Variants in CRBN observed in about 807,000 individuals in gnomAD.
The protein encoded by CRBN is protein cereblon.
CRBN carries 53 observed loss-of-function variants against 62.2 expected under a neutral mutation model. That is an observed-to-expected ratio of 0.85 (90% CI 0.68 to 1.07). The LOEUF (loss-of-function observed/expected upper bound fraction) is 1.07, where lower values mean the gene tolerates loss of function less well. Among genes scored for constraint, CRBN ranks in the 50% least tolerant of loss-of-function variants. The probability of loss-of-function intolerance (pLI) is 0.00; values close to 1 mark genes in which losing one functional copy is unlikely to be tolerated. For synonymous variants in CRBN, 208 were observed against 176.1 expected (o/e 1.18, Z -1.43); for missense variants, 616 against 531.1 (o/e 1.16, Z -1.57).
chr3:3,168,054 T>G (rs1288284747), intron 4 of CRBN, among the ~76,000 whole-genome samples: 1 of 152,114 alleles, frequency 6.6e-6, no homozygotes, highest in Non-Finnish European at 1.5e-5. Flanking sequence ...GATCTACACA[T>G]TTCAGATAAA....
chr3:3,178,734 T>G (rs60711972), intron 1 of CRBN, among the ~76,000 whole-genome samples: 24,390 of 152,160 alleles, frequency 0.16, 2,040 homozygotes, highest in Admixed American at 0.19. Flanking sequence ...AATTATCAGA[T>G]TGTGTATTAC....
chr3:3,166,954 A>G (rs1413871008), intron 5 of CRBN, among the ~76,000 whole-genome samples: 4 of 151,990 alleles, frequency 2.6e-5, no homozygotes, highest in Non-Finnish European at 5.9e-5. Flanking sequence ...AAACTCAAAA[A>G]GCCCAATTAT....
chr3:3,173,934 A>G (rs1707726956), intron 3 of CRBN, 125 bp downstream of exon 3: 2 of 827,784 alleles, frequency 2.4e-6, no homozygotes, highest in Non-Finnish European at 4.1e-6. Flanking sequence ...CCAAATTCCT[A>G]ACCTCACATT....
intron 7 of CRBN, chr3:3,154,391 CTA>C (rs1472694156): frequency 5.0e-4 from 220 of 442,568 alleles, no homozygotes; most frequent in Middle Eastern, 1.3e-3. Context: ...AAGAGAGTAT[CTA>C]TAATTAAGGC....
intron 5 of CRBN, 115 bp downstream of exon 5, chr3:3,167,519 T>C: frequency 2.0e-6 from 2 of 982,392 alleles, no homozygotes; most frequent in Non-Finnish European, 3.1e-6. Flanking sequence ...AGCTGGAATA[T>C]TGCCATACAA....
intron 4 of CRBN, 25 bp from the exon 5 acceptor site, chr3:3,167,818 G>T (rs372104781): frequency 1.2e-6 from 2 of 1,610,128 alleles, no homozygotes. Flanking sequence ...ACCAAGCATG[G>T]TATTCATTTC....
At chr3:3,161,826 A>C (rs1707151977) in intron 5 of CRBN, among the ~76,000 whole-genome samples, 1 of 152,254 alleles carries the variant, frequency 6.6e-6, no homozygotes, top group African/African-American at 2.4e-5. Context: ...ATCTATCATC[A>C]GTATGGGACT....
At chr3:3,169,985 CT>C (rs545155412) in intron 4 of CRBN, among the ~76,000 whole-genome samples, 87 of 149,218 alleles carry the variant, frequency 5.8e-4, no homozygotes, top group Non-Finnish European at 8.6e-4. Flanking sequence ...GGGTTGTATA[CT>C]TTTTTTCTTT....
At chr3:3,168,913 T>C (rs1443365561) in intron 4 of CRBN, among the ~76,000 whole-genome samples, 5 of 152,212 alleles carry the variant, frequency 3.3e-5, no homozygotes, top group African/African-American at 1.2e-4. Context: ...TCAAGTGTTC[T>C]TATATTATTA....
intron 5 of CRBN, among the ~76,000 whole-genome samples, chr3:3,161,205 T>G (rs577082269): frequency 6.6e-6 from 1 of 152,176 alleles, no homozygotes; most frequent in South Asian, 2.1e-4. Context: ...TGGAACTCAT[T>G]AATTACAGAG....
At chr3:3,169,017 C>T (rs531752793) in intron 4 of CRBN, among the ~76,000 whole-genome samples, 3 of 152,102 alleles carry the variant, frequency 2.0e-5, no homozygotes, top group African/African-American at 7.2e-5. Context: ...AAAGTATATA[C>T]CATCCTATAG....
intron 5 of CRBN, among the ~76,000 whole-genome samples, chr3:3,161,933 C>CT (rs1458332460): frequency 6.6e-6 from 1 of 152,040 alleles, no homozygotes; most frequent in African/African-American, 2.4e-5. Flanking sequence ...TAAGATACAC[C>CT]GTTAAGAAAA....
In CRBN at chr3:3,156,039, A is replaced by G. The variant is rs535838297; in HGVS notation, c.750+180T>C. 3 of 599,132 alleles carry G rather than the reference A, an allele frequency of 5.0e-6. No individual in the cohort carries two copies. In the South Asian group the frequency reaches 6.1e-5, roughly 12 times the overall value. The allele number at this position is 599,132 out of a possible 1,614,324, so 37.1% of individuals were successfully genotyped here. A position where few individuals can be genotyped will look rare whatever the true frequency, so the allele number is the denominator to read the frequency against. On this transcript the variant is annotated intron_variant, in intron 6 of 10. Transcript: ENST00000231948. Reference sequence around the variant, plus strand: ...GGCTGGTCTTGAATGCCTGGCTTCAAGCAATCCCCCTGCCTTGGCCTCCCA... The same window carrying G: ...GGCTGGTCTTGAATGCCTGGCTTCAGGCAATCCCCCTGCCTTGGCCTCCCA...
At chr3:3,176,244 A>C (rs62228659) in intron 1 of CRBN, among the ~76,000 whole-genome samples, 28,536 of 152,152 alleles carry the variant, frequency 0.19, 3,769 homozygotes, top group East Asian at 0.72. Flanking sequence ...TAGTTTCCTC[A>C]TCTGCAAAAT....
At chr3:3,154,232 A>G in intron 7 of CRBN, 157 bp from the exon 8 acceptor site, 2 of 619,808 alleles carry the variant, frequency 3.2e-6, no homozygotes, top group Non-Finnish European at 5.7e-6. Flanking sequence ...GCTGTCAAAG[A>G]TACACTTTTC....
At position 3,150,687 on chromosome 3, in the gene CRBN, G is replaced by A. The variant is rs1706465987; in HGVS notation, c.*178C>T. The A allele has an allele frequency of 1.6e-6, 1 of 616,858 alleles. No homozygotes were observed. The highest frequency in any genetic ancestry group is 1.8e-5 in the African/African-American group (1 of 54,158). 38.2% of individuals were successfully genotyped at this position (616,858 alleles called of 1,614,324 possible). On this transcript the variant is annotated 3_prime_UTR_variant, in exon 11 of 11. Transcript: ENST00000231948. ...CTGCCGTTCATGCTTGTTTCCTAAA[G>A]TATACTTAAAAGTTTCAAATACAGT... is the stretch of plus-strand genomic sequence containing the variant.
chr3:3,164,587 G>C (rs1219480164), intron 5 of CRBN, among the ~76,000 whole-genome samples: 1 of 152,178 alleles, frequency 6.6e-6, no homozygotes, highest in African/African-American at 2.4e-5. Flanking sequence ...GTAGTAAATG[G>C]AACAAAGTCC....
intron 3 of CRBN, among the ~76,000 whole-genome samples, chr3:3,173,600 G>A (rs1414399356): frequency 6.6e-6 from 1 of 152,118 alleles, no homozygotes; most frequent in Admixed American, 6.5e-5. Flanking sequence ...TGCCTCTACC[G>A]CAGATTTCCT....
intron 9 of CRBN, 94 bp from the exon 10 acceptor site, chr3:3,152,681 G>C: frequency 2.1e-6 from 3 of 1,436,386 alleles, no homozygotes; most frequent in Non-Finnish European, 2.9e-6. Context: ...CAAGAAATGA[G>C]GTATGAGCTA....
Sources: allele counts gnomAD v4.1 joint callset (sites outside exome capture counted in the v4.1 genomes callset), GRCh38; gene constraint gnomAD v4.1.1; transcripts MANE v1.5; gene names NCBI Gene and HGNC (gene_info 2026-07-23, HGNC 2026-07-21).